JAK2: variants seen among roughly 807,000 people sequenced by gnomAD.
JAK2 encodes the protein Janus kinase 2.
In JAK2, 86 loss-of-function variants were observed where a neutral mutation model predicts 139.3. That is an observed-to-expected ratio of 0.62 (90% CI 0.52 to 0.74). The LOEUF (loss-of-function observed/expected upper bound fraction) is 0.74. Ranked by LOEUF, JAK2 falls within the 30% of genes least tolerant of loss-of-function variation. The pLI is 0.00. For missense variants in JAK2, 1,421 were observed against 1,360.3 expected, an observed-to-expected ratio of 1.04 and a Z score of -0.70; for synonymous variants, 490 against 437.7, an observed-to-expected ratio of 1.12 and a Z score of -1.49.
At chr9:5,095,243 A>G (rs992235936) in intron 22 of JAK2, among the ~76,000 whole-genome samples, 3 of 152,130 alleles carry the variant, frequency 2.0e-5, no homozygotes, top group Admixed American at 1.3e-4. Flanking sequence ...CCATTAGCTC[A>G]ACTTATTATC....
intron 2 of JAK2, among the ~76,000 whole-genome samples, chr9:5,000,964 CCAAGATAGCAAAGCAT>C (rs1353466609): frequency 6.6e-6 from 1 of 151,928 alleles, no homozygotes; most frequent in African/African-American, 2.4e-5. Context: ...CAGCAAATTC[CCAAGATAGCAAAGCAT>C]CAAAAATACA....
At chr9:5,072,230 C>CA (rs1819000775) in intron 12 of JAK2, among the ~76,000 whole-genome samples, 1 of 152,090 alleles carries the variant, frequency 6.6e-6, no homozygotes, top group Non-Finnish European at 1.5e-5. Context: ...TAAAAAGTGA[C>CA]AATTATAGCC....
chr9:5,063,414 G>T (rs543427149), intron 8 of JAK2, among the ~76,000 whole-genome samples: 1 of 152,232 alleles, frequency 6.6e-6, no homozygotes, highest in East Asian at 1.9e-4. Flanking sequence ...GTGTGGACTG[G>T]AAGTTTTCTG....
chr9:4,996,403 G>C (rs193172174), intron 2 of JAK2, among the ~76,000 whole-genome samples: 1 of 151,954 alleles, frequency 6.6e-6, no homozygotes, highest in South Asian at 2.1e-4. Context: ...AGCTGAGATC[G>C]TGCCATTGCA....
In JAK2 at chr9:5,111,102, G is replaced by GA. The variant is rs1453236082; in HGVS notation, c.3060-11900dup. On this transcript the variant is annotated intron_variant, in intron 22 of 24. Transcript: ENST00000381652. ...CAGGCTCCTGGGGCAGCGGCGACCA[G>GA]AACAGCTCCTCCTTTGACCCCAGCT... The GA allele has an allele frequency of 3.3e-6, 4 of 1,224,164 alleles. No individual in the cohort carries two copies. The African/African-American group carries it at 6.0e-5, about 18-fold the overall frequency. 75.8% of individuals were successfully genotyped at this position (1,224,164 alleles called of 1,614,324 possible). A position where few individuals can be genotyped will look rare whatever the true frequency, so the allele number is the denominator to read the frequency against.
chr9:5,076,761 A>G (rs989893100), intron 14 of JAK2, among the ~76,000 whole-genome samples: 3 of 151,966 alleles, frequency 2.0e-5, no homozygotes, highest in Non-Finnish European at 4.4e-5. Flanking sequence ...CAGATTAAAT[A>G]CACATCTACA....
At chr9:5,024,738 C>T (rs868568520) in intron 3 of JAK2, among the ~76,000 whole-genome samples, 11 of 152,290 alleles carry the variant, frequency 7.2e-5, no homozygotes, top group South Asian at 4.2e-4. Context: ...TGAATATCTT[C>T]TGTGAAGCTG....
At chr9:5,012,913 ATAGT>A (rs927529924) in intron 2 of JAK2, among the ~76,000 whole-genome samples, 46 of 152,312 alleles carry the variant, frequency 3.0e-4, no homozygotes, top group African/African-American at 1.1e-3. Flanking sequence ...CTTAGGGAAA[ATAGT>A]TAGGAGGACA....
At position 5,080,584 on chromosome 9, in the gene JAK2, G is replaced by A. The variant is rs1819617654; in HGVS notation, c.2335G>A (p.Glu779Lys). 1 of 1,605,528 alleles carries A rather than the reference G, an allele frequency of 6.2e-7. No homozygotes were observed. Among genetic ancestry groups the A allele is most frequent in the Non-Finnish European group, 8.5e-7 (1 of 1,177,866 alleles). The change falls in exon 18 of 25, where the codon GAA becomes AAA. Residue 779 changes from glutamate (E) to lysine (K), a missense_variant. Glu to Lys is a moderately conservative substitution (Grantham distance 56, BLOSUM62 1). Transcript: ENST00000381652. ...RHQLPAPKWA[E>K]LANLINNCMD... ...TCAGCTTCCTGCACCAAAGTGGGCAGAATTAGCAAACCTTATAAATAATTG... is the reference window on the plus strand; with the variant it reads ...TCAGCTTCCTGCACCAAAGTGGGCAAAATTAGCAAACCTTATAAATAATTG...
chr9:5,046,581 G>A (rs1489510883), intron 5 of JAK2, among the ~76,000 whole-genome samples: 3 of 152,058 alleles, frequency 2.0e-5, no homozygotes, highest in East Asian at 3.8e-4. Flanking sequence ...TTTGTCTATC[G>A]TGAAGGTAAG....
chr9:5,085,485 A>T, intron 19 of JAK2: 1 of 723,854 alleles, frequency 1.4e-6, no homozygotes. Flanking sequence ...TCTCATGCTC[A>T]TTTTCTTTTG....
chr9:5,072,708 G>A lies in JAK2; in HGVS notation c.1776+82G>A, dbSNP rs1819050504. On this transcript the variant is annotated intron_variant, in intron 13 of 24. Transcript: ENST00000381652. ...ATATGCATACAACGTACTCATGTGT[G>A]CAGCTTTTCAAAATTGTAATTTTTA... The A allele has an allele frequency of 1.1e-5, 12 of 1,057,700 alleles. No individual in the cohort carries two copies. The East Asian group carries it at 3.4e-4, about 30-fold the overall frequency. The allele number at this position is 1,057,700 out of a possible 1,614,324, so 65.5% of individuals were successfully genotyped here. A position where few individuals can be genotyped will look rare whatever the true frequency, so the allele number is the denominator to read the frequency against.
intron 22 of JAK2, among the ~76,000 whole-genome samples, chr9:5,096,222 C>T (rs902141483): frequency 3.3e-5 from 5 of 152,156 alleles, no homozygotes; most frequent in African/African-American, 1.2e-4. Context: ...TTTCTTCTAC[C>T]TTCCTCTTAC....
chr9:5,019,125 A>G (rs1322936408), intron 2 of JAK2, among the ~76,000 whole-genome samples: 1 of 152,148 alleles, frequency 6.6e-6, no homozygotes, highest in Non-Finnish European at 1.5e-5. Context: ...GTTTTCAGCT[A>G]TTATTTCATT....
chr9:5,123,777 A>G (rs1370910247), intron 23 of JAK2, among the ~76,000 whole-genome samples: 3 of 151,940 alleles, frequency 2.0e-5, no homozygotes, highest in Non-Finnish European at 4.4e-5. Flanking sequence ...AACAGTGTAT[A>G]AGAGTTCCCT....
chr9:5,067,066 AT>A (rs1818620507), intron 10 of JAK2, among the ~76,000 whole-genome samples: 1 of 152,112 alleles, frequency 6.6e-6, no homozygotes, highest in African/African-American at 2.4e-5. Context: ...GTTAAAAGGT[AT>A]TTCATCAAGT....
intron 2 of JAK2, among the ~76,000 whole-genome samples, chr9:5,021,626 T>G (rs1563931516): frequency 6.6e-6 from 1 of 152,144 alleles, no homozygotes; most frequent in Admixed American, 6.5e-5. Context: ...TAACTTTATT[T>G]ATTTATGTAT....
At chr9:5,101,284 ACAGCAGCCTAAGATCCACCCGTGAGG>A (rs959038751) in intron 22 of JAK2, among the ~76,000 whole-genome samples, 18 of 152,348 alleles carry the variant, frequency 1.2e-4, no homozygotes, top group South Asian at 6.2e-4. Flanking sequence ...CACTGCTAGC[ACAGCAGCCTAAGATCCACCCGTGAGG>A]CAGCAGCCTG....
At position 5,042,130 on chromosome 9, in the gene JAK2, T is replaced by C. The variant is rs904879668; in HGVS notation, c.351-2273T>C. Reference sequence around the variant, plus strand: ...GTAAGACTGGCCAAAATTTCTTTTTTTTTTTTTTTTTTTTTTTTGAGACGG... The same window carrying C: ...GTAAGACTGGCCAAAATTTCTTTTTCTTTTTTTTTTTTTTTTTTGAGACGG... On this transcript the variant is annotated intron_variant, in intron 4 of 24. Transcript: ENST00000381652. Among the ~76,000 whole-genome samples, 51 of 65,452 alleles carry C rather than the reference T, an allele frequency of 7.8e-4. 1 individual carries two copies. In the East Asian group the frequency reaches 0.012, roughly 15 times the overall value. The allele number at this position is 65,452 out of a possible 152,430, so 42.9% of individuals were successfully genotyped here.
Sources: gnomAD v4.1 joint callset for allele counts (sites outside exome capture counted in the v4.1 genomes callset) on GRCh38, gnomAD v4.1.1 for gene constraint, MANE v1.5 for transcripts, NCBI Gene and HGNC (gene_info 2026-07-23, HGNC 2026-07-21) for gene names.